Variants in FRAS1 observed in about 807,000 individuals in gnomAD.
The protein encoded by FRAS1 is Fraser extracellular matrix complex subunit 1.
A neutral mutation model predicts 435.2 loss-of-function variants in FRAS1; 290 were observed. The ratio of observed to expected loss-of-function variants is 0.67; its 90% confidence interval spans 0.61 to 0.73. The LOEUF is 0.73. Among genes scored for constraint, FRAS1 ranks in the 30% least tolerant of loss-of-function variants. The pLI is 0.00. For missense variants in FRAS1, 4,860 were observed against 5,001.5 expected, an observed-to-expected ratio of 0.97 and a Z score of 0.85; for synonymous variants, 1,800 against 1,851.0, an observed-to-expected ratio of 0.97 and a Z score of 0.71.
chr4:78,528,090 C>T (rs1367565142), intron 70 of FRAS1, among the ~76,000 whole-genome samples: 2 of 152,050 alleles, frequency 1.3e-5, no homozygotes, highest in Non-Finnish European at 2.9e-5. Flanking sequence ...AAGCTATTCT[C>T]GCTGTGAAAT....
At chr4:78,112,932 T>A (rs952877453) in intron 2 of FRAS1, among the ~76,000 whole-genome samples, 1 of 152,134 alleles carries the variant, frequency 6.6e-6, no homozygotes, top group African/African-American at 2.4e-5. Context: ...ACCCATTAAC[T>A]CGTCATTTAA....
intron 65 of FRAS1, among the ~76,000 whole-genome samples, chr4:78,514,507 A>G (rs952779965): frequency 6.6e-6 from 1 of 152,246 alleles, no homozygotes; most frequent in Non-Finnish European, 1.5e-5. Flanking sequence ...GTCTTTATAC[A>G]GTAGAAATTA....
intron 2 of FRAS1, chr4:78,181,763 G>T: frequency 1.2e-6 from 2 of 1,610,420 alleles, no homozygotes; most frequent in Non-Finnish European, 1.7e-6. Context: ...GGGCGGCTGC[G>T]TCTCCTCTTT....
At chr4:78,306,176 T>C (rs1213855851) in intron 14 of FRAS1, among the ~76,000 whole-genome samples, 1 of 152,096 alleles carries the variant, frequency 6.6e-6, no homozygotes, top group Admixed American at 6.5e-5. Flanking sequence ...TCTTTAAGAA[T>C]GTTGAATATT....
intron 73 of FRAS1, among the ~76,000 whole-genome samples, chr4:78,540,283 C>T (rs915320252): frequency 1.3e-5 from 2 of 152,152 alleles, no homozygotes; most frequent in African/African-American, 4.8e-5. Context: ...ATTTCTTAGG[C>T]TATTCCATGT....
At chr4:78,356,779 C>T (rs1730873617) in intron 20 of FRAS1, among the ~76,000 whole-genome samples, 1 of 151,838 alleles carries the variant, frequency 6.6e-6, no homozygotes, top group African/African-American at 2.4e-5. Flanking sequence ...TTGATGTCTT[C>T]TCCTAACATG....
rs1278051232 is a variant in FRAS1, at chr4:78,252,372, TC to T, written c.310-19del. 6 of 1,601,256 alleles carry T rather than the reference TC, an allele frequency of 3.7e-6. No individual in the cohort carries two copies. Among genetic ancestry groups the T allele is most frequent in the Admixed American group, 3.5e-5 (2 of 57,668 alleles). On this transcript the variant is annotated intron_variant, in intron 4 of 73. Coordinates refer to ENST00000512123, the MANE Select transcript of FRAS1 (RefSeq NM_025074.7). Reference sequence around the variant, plus strand: ...GTTTTGGCACTAACCTTTTTTTTTTTCTGTCTCCCTAACACACAGCATGGGA... The same window carrying T: ...GTTTTGGCACTAACCTTTTTTTTTTTTGTCTCCCTAACACACAGCATGGGA...
At chr4:78,241,895 A>G (rs1303081921) in intron 3 of FRAS1, among the ~76,000 whole-genome samples, 2 of 151,234 alleles carry the variant, frequency 1.3e-5, no homozygotes, top group South Asian at 2.1e-4. Context: ...ACACAGGTAG[A>G]AAAAAAAACA....
intron 2 of FRAS1, among the ~76,000 whole-genome samples, chr4:78,215,505 A>G (rs1357289819): frequency 6.6e-6 from 1 of 152,118 alleles, no homozygotes; most frequent in Non-Finnish European, 1.5e-5. Flanking sequence ...ATTATTTTTA[A>G]CTGTACAGGT....
intron 70 of FRAS1, among the ~76,000 whole-genome samples, chr4:78,532,624 G>A (rs1721752745): frequency 6.6e-6 from 1 of 151,992 alleles, no homozygotes; most frequent in African/African-American, 2.4e-5. Flanking sequence ...CCCCCTCCTC[G>A]TCGCTCCTGG....
chr4:78,115,074 C>G (rs1263974155), intron 2 of FRAS1, among the ~76,000 whole-genome samples: 2 of 151,784 alleles, frequency 1.3e-5, no homozygotes, highest in African/African-American at 2.4e-5. Flanking sequence ...CTTTTCTGCA[C>G]TATTGAGATA....
chr4:78,517,639 C>T (rs1721250197), intron 66 of FRAS1, among the ~76,000 whole-genome samples: 1 of 152,196 alleles, frequency 6.6e-6, no homozygotes, highest in African/African-American at 2.4e-5. Context: ...CAAGACATAA[C>T]CTCTCTGAAC....
chr4:78,482,406 T>A lies in FRAS1; in HGVS notation c.8623T>A (p.Leu2875Met). Residue 2875 changes from leucine to methionine, a missense_variant, in exon 58 of 74, where the codon TTG (leucine) becomes ATG (methionine). By Grantham distance (15) the Leu-to-Met change is conservative (BLOSUM62 2). Transcript: ENST00000512123. ...VIEQYCTLTI[L>M]DDTQYPVIEG... ...CTTCTAGTATTGCACCTTGACTATC[T>A]TGGATGACACTCAGTATCCGGTAAT... is the stretch of plus-strand genomic sequence containing the variant. 6.2e-7 allele frequency: 1 copy of A among 1,613,900 alleles called. No individual in the cohort carries two copies. Among genetic ancestry groups the A allele is most frequent in the Non-Finnish European group, 8.5e-7 (1 of 1,179,816 alleles).
intron 2 of FRAS1, among the ~76,000 whole-genome samples, chr4:78,226,828 T>A (rs1353242401): frequency 1.3e-5 from 2 of 152,202 alleles, no homozygotes; most frequent in African/African-American, 4.8e-5. Context: ...TGTTGAACTT[T>A]GTAATATGTT....
At chr4:78,201,239 T>G (rs1723038875) in intron 2 of FRAS1, among the ~76,000 whole-genome samples, 1 of 152,228 alleles carries the variant, frequency 6.6e-6, no homozygotes, top group Admixed American at 6.5e-5. Context: ...GAACTGTTAC[T>G]TTGATGAAAT....
intron 2 of FRAS1, among the ~76,000 whole-genome samples, chr4:78,139,027 T>A (rs1720045556): frequency 1.3e-5 from 2 of 152,208 alleles, no homozygotes; most frequent in Admixed American, 6.5e-5. Context: ...TAAATTAGAA[T>A]GATCCAGCTT....
intron 44 of FRAS1, among the ~76,000 whole-genome samples, chr4:78,449,319 T>C (rs1022153066): frequency 6.6e-6 from 1 of 152,146 alleles, no homozygotes; most frequent in Admixed American, 6.5e-5. Flanking sequence ...TTCTCCATGT[T>C]ACAGCAGCAG....
rs184341479 is a variant in FRAS1, at chr4:78,438,414, T to C, written c.5218-156T>C. ...GGAAGAATAAACACTGGGATTTTTA[T>C]TGTAGTTTGAAATACAAAGAGAAAG... On this transcript the variant is annotated intron_variant, in intron 38 of 73. Coordinates refer to ENST00000512123, the MANE Select transcript of FRAS1 (RefSeq NM_025074.7). Among the ~76,000 whole-genome samples the C allele has an allele frequency of 2.6e-3, 398 of 152,340 alleles. 3 individuals carry two copies. Among genetic ancestry groups the C allele is most frequent in the Non-Finnish European group, 1.2e-3 (80 of 68,022 alleles).
At chr4:78,081,636 G>T (rs1340444679) in intron 2 of FRAS1, among the ~76,000 whole-genome samples, 1 of 152,096 alleles carries the variant, frequency 6.6e-6, no homozygotes, top group African/African-American at 2.4e-5. Flanking sequence ...CTTATCACTA[G>T]CTTTCCCAGC....
Sources: gnomAD v4.1 joint callset for allele counts (sites outside exome capture counted in the v4.1 genomes callset) on GRCh38, gnomAD v4.1.1 for gene constraint, MANE v1.5 for transcripts, NCBI Gene and HGNC (gene_info 2026-07-23, HGNC 2026-07-21) for gene names.